The following ADAMTS12 variants were observed in gnomAD, a reference collection of about 807,000 sequenced individuals.
The protein encoded by ADAMTS12 is ADAM metallopeptidase with thrombospondin type 1 motif 12.
ADAMTS12 carries 118 observed loss-of-function variants against 167.8 expected under a neutral mutation model. The observed-to-expected ratio is 0.70, with a 90% CI of 0.61 to 0.82. ADAMTS12 has a LOEUF of 0.82. Among genes scored for constraint, ADAMTS12 ranks in the 40% least tolerant of loss-of-function variants. ADAMTS12 has a pLI of 0.00. For missense variants in ADAMTS12, 1,916 were observed against 1,998.8 expected, an observed-to-expected ratio of 0.96 and a Z score of 0.79; for synonymous variants, 704 against 716.9, an observed-to-expected ratio of 0.98 and a Z score of 0.29.
chr5:33,696,529 AT>A (rs1424780235), intron 3 of ADAMTS12, among the ~76,000 whole-genome samples: 5 of 152,140 alleles, frequency 3.3e-5, no homozygotes, highest in African/African-American at 1.2e-4. Flanking sequence ...CAAATTGAAA[AT>A]TCTTTTCCGG....
At position 33,574,355 on chromosome 5, in the gene ADAMTS12, C is replaced by T. The variant is rs571931903; in HGVS notation, c.3972+1699G>A. Among the ~76,000 whole-genome samples the T allele has an allele frequency of 3.1e-4, 47 of 151,940 alleles. 1 individual carries two copies. The South Asian group carries it at 4.6e-3, about 15-fold the overall frequency. ...AAGACTTGGAACCAACCCAAATGTC[C>T]AACAATGATAGATCGGATTAAGAAA... On this transcript the variant is annotated intron_variant, in intron 19 of 23. Transcript: ENST00000504830.
At chr5:33,629,991 T>G (rs1739846236) in intron 13 of ADAMTS12, among the ~76,000 whole-genome samples, 1 of 152,210 alleles carries the variant, frequency 6.6e-6, no homozygotes, top group Non-Finnish European at 1.5e-5. Flanking sequence ...ATCCCAGTTT[T>G]ATGACAGAAG....
chr5:33,536,519 C>T (rs577803532), intron 22 of ADAMTS12, among the ~76,000 whole-genome samples: 5 of 152,298 alleles, frequency 3.3e-5, no homozygotes, highest in Admixed American at 2.0e-4. Context: ...ATGCCTTCTG[C>T]CTATTTAGTG....
intron 3 of ADAMTS12, among the ~76,000 whole-genome samples, chr5:33,732,751 T>C (rs888664409): frequency 5.9e-5 from 9 of 151,730 alleles, no homozygotes; most frequent in African/African-American, 1.2e-4. Context: ...AATTCATTTA[T>C]AGGACTCTTA....
At position 33,813,332 on chromosome 5, in the gene ADAMTS12, G is replaced by A. The variant is rs138172595; in HGVS notation, c.490-61784C>T. Among the ~76,000 whole-genome samples, 9 of 152,280 alleles carry A rather than the reference G, an allele frequency of 5.9e-5. No individual in the cohort carries two copies. The East Asian group carries it at 1.7e-3, about 29-fold the overall frequency. ...ACTTGTATTTCTCTGATAACACAAG[G>A]TGAGCACATTTTGATGCCTATTGGT... is the stretch of plus-strand genomic sequence containing the variant. On this transcript the variant is annotated intron_variant, in intron 2 of 23. Coordinates refer to ENST00000504830, the MANE Select transcript of ADAMTS12 (RefSeq NM_030955.4).
chr5:33,615,845 C>T lies in ADAMTS12; in HGVS notation c.2371G>A (p.Glu791Lys), dbSNP rs1738977941. Residue 791 changes from glutamate (E) to lysine (K), a missense_variant, in exon 15 of 24, where the codon GAG (glutamate) becomes AAG (lysine). Transcript: ENST00000504830. The stretch of plus-strand genomic sequence containing the variant: ...TGCATTACCTGGATCCACACAGACT[C>T]ATTGGTGGGACCTGTGGCCATCAGC... ...EKLMATGPTN[E>K]SVWIQLLFQV... The T allele has an allele frequency of 1.2e-6, 2 of 1,614,162 alleles. No homozygotes were observed. The highest frequency in any genetic ancestry group is 1.1e-5 in the South Asian group (1 of 91,076).
rs751620716 is a variant in ADAMTS12 at position 33,549,248 on chromosome 5, G to A, written c.4261C>T (p.Pro1421Ser). Reference sequence around the variant, plus strand: ...ACCTGCCACGCCTCACAGGGCTCCGGGTTACAGCTCATGCTCAATGGGGGA... The same window carrying A: ...ACCTGCCACGCCTCACAGGGCTCCGAGTTACAGCTCATGCTCAATGGGGGA... Reference protein sequence around the residue: ...IPPPLSMSCNPEPCEAWQVEP... With the variant: ...IPPPLSMSCNSEPCEAWQVEP... Residue 1421 changes from proline (P) to serine (S), a missense_variant, in exon 21 of 24, where the codon CCG (proline) becomes TCG (serine). Coordinates refer to ENST00000504830, the MANE Select transcript of ADAMTS12 (RefSeq NM_030955.4). The A allele has an allele frequency of 3.1e-6, 5 of 1,614,186 alleles. No homozygotes were observed. The highest frequency in any genetic ancestry group is 4.2e-6 in the Non-Finnish European group (5 of 1,180,020).
At chr5:33,751,058 T>C in intron 3 of ADAMTS12, 1 of 362,522 alleles carries the variant, frequency 2.8e-6, no homozygotes, top group Non-Finnish European at 4.9e-6. Context: ...TACGTCTTTA[T>C]TTTAATTATT....
chr5:33,621,603 T>C (rs1352786048), intron 14 of ADAMTS12, among the ~76,000 whole-genome samples: 3 of 152,142 alleles, frequency 2.0e-5, no homozygotes, highest in African/African-American at 7.2e-5. Context: ...AATAAAAATG[T>C]GCTCATAAAG....
chr5:33,558,549 C>A (rs112327764), intron 20 of ADAMTS12, among the ~76,000 whole-genome samples: 1,979 of 152,228 alleles, frequency 0.013, 39 homozygotes, highest in African/African-American at 0.039. Flanking sequence ...ATAGGCCAGG[C>A]AAGGAGTCAA....
intron 2 of ADAMTS12, among the ~76,000 whole-genome samples, chr5:33,855,738 T>G (rs1749375066): frequency 6.6e-6 from 1 of 152,178 alleles, no homozygotes; most frequent in African/African-American, 2.4e-5. Context: ...TTGTTGTTGT[T>G]TTTGAGACAG....
intron 17 of ADAMTS12, among the ~76,000 whole-genome samples, chr5:33,593,821 ATG>A (rs1229668785): frequency 6.6e-6 from 1 of 152,242 alleles, no homozygotes; most frequent in East Asian, 1.9e-4. Flanking sequence ...CATTCTGCAC[ATG>A]TATCCCAGAA....
chr5:33,798,741 C>T (rs1746876312), intron 2 of ADAMTS12, among the ~76,000 whole-genome samples: 2 of 152,070 alleles, frequency 1.3e-5, no homozygotes, highest in Non-Finnish European at 2.9e-5. Context: ...CTCCTAGCGG[C>T]TTCTTATAAG....
At chr5:33,565,985 T>G (rs968589728) in intron 19 of ADAMTS12, among the ~76,000 whole-genome samples, 2 of 152,204 alleles carry the variant, frequency 1.3e-5, no homozygotes, top group African/African-American at 4.8e-5. Context: ...ACAACTGCTC[T>G]GGGTTTTGGT....
intron 4 of ADAMTS12, among the ~76,000 whole-genome samples, chr5:33,683,579 A>G (rs1742212096): frequency 6.6e-6 from 1 of 152,180 alleles, no homozygotes; most frequent in African/African-American, 2.4e-5. Flanking sequence ...AACTGATGAG[A>G]CAAAGCCACA....
At chr5:33,820,521 GATA>G (rs987716905) in intron 2 of ADAMTS12, among the ~76,000 whole-genome samples, 3 of 152,148 alleles carry the variant, frequency 2.0e-5, no homozygotes, top group African/African-American at 7.2e-5. Context: ...TGGTAGAGGA[GATA>G]ATAAACTGTT....
chr5:33,615,680 C>G, intron 15 of ADAMTS12, 148 bp downstream of exon 15: 1 of 1,150,092 alleles, frequency 8.7e-7, no homozygotes, highest in Non-Finnish European at 1.2e-6. Flanking sequence ...ATTAACAGCA[C>G]AAACTAATAT....
intron 19 of ADAMTS12, 150 bp downstream of exon 19, chr5:33,575,904 G>A (rs1221862121): frequency 9.1e-6 from 10 of 1,098,346 alleles, no homozygotes; most frequent in Non-Finnish European, 1.0e-5. Context: ...TGGGGGTAAG[G>A]AGGGAGGGGA....
intron 5 of ADAMTS12, among the ~76,000 whole-genome samples, chr5:33,672,012 C>CACACATCCACATACAT (rs1741716063): frequency 6.6e-6 from 1 of 150,778 alleles, no homozygotes; most frequent in Non-Finnish European, 1.5e-5. Flanking sequence ...CTCACATACA[C>CACACATCCACATACAT]ACACATCCAC....
Sources: allele counts gnomAD v4.1 joint callset (sites outside exome capture counted in the v4.1 genomes callset), GRCh38; gene constraint gnomAD v4.1.1; transcripts MANE v1.5; gene names NCBI Gene and HGNC (gene_info 2026-07-23, HGNC 2026-07-21).